Variants in PRKG1 observed in about 807,000 individuals in gnomAD.
PRKG1 encodes the protein protein kinase cGMP-dependent 1, also known as cGMP-dependent protein kinase 1.
A neutral mutation model predicts 88.1 loss-of-function variants in PRKG1; 35 were observed. The observed-to-expected ratio is 0.40, with a 90% CI of 0.30 to 0.53. The LOEUF is 0.53. PRKG1 is among the 20% of genes least tolerant of loss of function. The pLI is 0.59. For synonymous variants in PRKG1, 303 were observed against 292.5 expected (o/e 1.04, Z -0.37); for missense variants, 540 against 839.8 (o/e 0.64, Z 4.41).
intron 5 of PRKG1, among the ~76,000 whole-genome samples, chr10:51,988,959 A>T (rs1210681583): frequency 9.2e-5 from 14 of 151,958 alleles, no homozygotes; most frequent in Non-Finnish European, 1.5e-5. Flanking sequence ...CCCTATTCAG[A>T]CACCATAAAG....
intron 9 of PRKG1, among the ~76,000 whole-genome samples, chr10:52,200,403 G>A (rs1047337231): frequency 6.6e-6 from 1 of 152,026 alleles, no homozygotes; most frequent in Non-Finnish European, 1.5e-5. Context: ...TTCTTTTTAT[G>A]GCTGCATAAT....
chr10:51,268,137 A>G (rs1364124498), intron 2 of PRKG1, among the ~76,000 whole-genome samples: 1 of 152,154 alleles, frequency 6.6e-6, no homozygotes, highest in African/African-American at 2.4e-5. Context: ...AGTGATTTTC[A>G]AAAGGGGAGG....
intron 2 of PRKG1, among the ~76,000 whole-genome samples, chr10:51,252,192 C>T (rs916818371): frequency 6.6e-6 from 1 of 151,722 alleles, no homozygotes; most frequent in Admixed American, 6.6e-5. Context: ...AAAACAAAGT[C>T]TGGAATCTGA....
At chr10:51,948,591 C>T (rs1843112610) in intron 5 of PRKG1, among the ~76,000 whole-genome samples, 1 of 151,124 alleles carries the variant, frequency 6.6e-6, no homozygotes, top group South Asian at 2.1e-4. Flanking sequence ...TAAAAGAATA[C>T]ATATACTGTA....
At chr10:52,161,710 T>C (rs977975642) in intron 8 of PRKG1, among the ~76,000 whole-genome samples, 179 bp from the exon 9 acceptor site, 2 of 152,142 alleles carry the variant, frequency 1.3e-5, no homozygotes, top group Non-Finnish European at 2.9e-5. Flanking sequence ...GGTAATTTCA[T>C]AGAGTTTATA....
intron 3 of PRKG1, among the ~76,000 whole-genome samples, chr10:51,680,263 T>C (rs1259797340): frequency 6.6e-6 from 1 of 151,846 alleles, no homozygotes; most frequent in Non-Finnish European, 1.5e-5. Flanking sequence ...AATGTGCACA[T>C]GTACCCTAAA....
chr10:52,187,713 C>T (rs771970928), intron 9 of PRKG1, among the ~76,000 whole-genome samples: 2 of 152,144 alleles, frequency 1.3e-5, no homozygotes, highest in African/African-American at 4.8e-5. Context: ...TTCTGCTGCT[C>T]GTTGACATGA....
chr10:51,050,148 T>A (rs989045648), intron 1 of PRKG1, among the ~76,000 whole-genome samples: 63 of 151,972 alleles, frequency 4.1e-4, no homozygotes, highest in African/African-American at 1.5e-3. Flanking sequence ...TATTCTATCA[T>A]GTATTTTATT....
chr10:52,101,898 A>G (rs1421407279), intron 7 of PRKG1, among the ~76,000 whole-genome samples: 2 of 152,220 alleles, frequency 1.3e-5, no homozygotes, highest in East Asian at 3.8e-4. Flanking sequence ...TTAGTAAAGA[A>G]GAGGAGTCAG....
At chr10:51,966,782 C>A (rs998889770) in intron 5 of PRKG1, among the ~76,000 whole-genome samples, 1 of 152,120 alleles carries the variant, frequency 6.6e-6, no homozygotes, top group African/African-American at 2.4e-5. Context: ...GCTCTTTGTC[C>A]AGGCCAGCCT....
At chr10:52,236,554 C>A (rs1840692173) in intron 9 of PRKG1, among the ~76,000 whole-genome samples, 1 of 91,108 alleles carries the variant, frequency 1.1e-5, no homozygotes, top group East Asian at 4.4e-4. Flanking sequence ...CACAAATAAA[C>A]TAGAAAATCT....
chr10:51,699,442 G>A, intron 3 of PRKG1: 1 of 1,613,972 alleles, frequency 6.2e-7, no homozygotes, highest in Non-Finnish European at 8.5e-7. Context: ...CAACCTCCGA[G>A]AAAATGTCCT....
At chr10:52,035,735 C>T (rs1354669834) in intron 5 of PRKG1, among the ~76,000 whole-genome samples, 14 of 151,924 alleles carry the variant, frequency 9.2e-5, no homozygotes, top group African/African-American at 2.7e-4. Context: ...AAAGTATGTG[C>T]GTCAGGTATG....
intron 3 of PRKG1, among the ~76,000 whole-genome samples, chr10:51,485,126 G>A (rs544579514): frequency 6.6e-6 from 1 of 152,240 alleles, no homozygotes; most frequent in Admixed American, 6.5e-5. Context: ...ATGAAGTTGA[G>A]TTTCTTAATA....
chr10:51,214,862 G>T (rs189986127), intron 2 of PRKG1, among the ~76,000 whole-genome samples: 36 of 152,136 alleles, frequency 2.4e-4, no homozygotes, highest in Non-Finnish European at 4.7e-4. Flanking sequence ...GATTGGCAGG[G>T]GACCTCTGCC....
intron 4 of PRKG1, among the ~76,000 whole-genome samples, chr10:51,864,578 A>G (rs1202928601): frequency 1.3e-5 from 2 of 152,178 alleles, no homozygotes; most frequent in African/African-American, 4.8e-5. Context: ...GCAGATACAT[A>G]TTTTACCAAA....
intron 7 of PRKG1, among the ~76,000 whole-genome samples, chr10:52,082,291 G>A (rs1236721430): frequency 1.3e-5 from 2 of 152,052 alleles, no homozygotes; most frequent in African/African-American, 4.8e-5. Context: ...AGATTTGGGT[G>A]GGGACACAGC....
intron 7 of PRKG1, among the ~76,000 whole-genome samples, chr10:52,086,998 T>G (rs751368027): frequency 1.3e-5 from 2 of 152,136 alleles, no homozygotes; most frequent in Non-Finnish European, 2.9e-5. Context: ...CTCACTGTCA[T>G]GAGGGTAACC....
chr10:52,150,286 T>C (rs1837876651), intron 8 of PRKG1, among the ~76,000 whole-genome samples: 1 of 151,922 alleles, frequency 6.6e-6, no homozygotes, highest in African/African-American at 2.4e-5. Context: ...GATTTCCATA[T>C]TGGGGAGATA....
Sources: allele counts gnomAD v4.1 joint callset (sites outside exome capture counted in the v4.1 genomes callset), GRCh38; gene constraint gnomAD v4.1.1; transcripts MANE v1.5; gene names NCBI Gene and HGNC (gene_info 2026-07-23, HGNC 2026-07-21).